The following MPRIP variants were observed in gnomAD, a reference collection of about 807,000 sequenced individuals.
MPRIP encodes myosin phosphatase Rho-interacting protein.
A neutral mutation model predicts 234.9 loss-of-function variants in MPRIP; 59 were observed. That is an observed-to-expected ratio of 0.25 (90% CI 0.20 to 0.31). The LOEUF is 0.31. Ranked by LOEUF, MPRIP falls within the 10% of genes least tolerant of loss-of-function variation. The pLI, the probability that MPRIP is intolerant of heterozygous loss-of-function variation, is 1.00. For missense variants in MPRIP, 2,436 were observed against 3,071.0 expected (o/e 0.79, Z 4.89); for synonymous variants, 1,144 against 1,263.9 (o/e 0.91, Z 2.01).
At chr17:17,087,326 G>T (rs1014075293) in intron 3 of MPRIP, among the ~76,000 whole-genome samples, 2 of 152,200 alleles carry the variant, frequency 1.3e-5, no homozygotes, top group Non-Finnish European at 2.9e-5. Flanking sequence ...TGCCCTTCAG[G>T]GAAGGAAAGA....
At chr17:17,095,313 A>G (rs1407458079) in intron 3 of MPRIP, among the ~76,000 whole-genome samples, 1 of 152,092 alleles carries the variant, frequency 6.6e-6, no homozygotes, top group East Asian at 1.9e-4. Flanking sequence ...CTGTGTGTGT[A>G]TATGGGGTGC....
chr17:17,082,546 C>T (rs530621177), intron 3 of MPRIP, among the ~76,000 whole-genome samples: 8 of 152,218 alleles, frequency 5.3e-5, no homozygotes, highest in African/African-American at 1.4e-4. Flanking sequence ...CCGCCCGCCT[C>T]GGCCTCCCAA....
chr17:17,100,685 C>G (rs1201300838), intron 3 of MPRIP, among the ~76,000 whole-genome samples: 1 of 151,984 alleles, frequency 6.6e-6, no homozygotes, highest in East Asian at 1.9e-4. Context: ...TGATCTGTTA[C>G]TGTCTCCCAT....
chr17:17,043,111 A>G (rs1180573747), intron 1 of MPRIP, 140 bp downstream of exon 1: 1 of 807,228 alleles, frequency 1.2e-6, no homozygotes, highest in Non-Finnish European at 2.0e-6. Flanking sequence ...GGGGACGGGA[A>G]GTGCATTGAC....
chr17:17,044,372 C>A (rs184363477), intron 1 of MPRIP, among the ~76,000 whole-genome samples: 9 of 152,294 alleles, frequency 5.9e-5, no homozygotes, highest in Admixed American at 4.6e-4. Context: ...GGAGACTTTG[C>A]TTCAGGTCTT....
chr17:17,095,203 T>C (rs2089811458), intron 3 of MPRIP, among the ~76,000 whole-genome samples: 1 of 152,196 alleles, frequency 6.6e-6, no homozygotes, highest in African/African-American at 2.4e-5. Flanking sequence ...TATTTTGAAG[T>C]TGTATTCTGT....
chr17:17,081,480 G>T (rs543782099), intron 3 of MPRIP, among the ~76,000 whole-genome samples: 1 of 152,042 alleles, frequency 6.6e-6, no homozygotes, highest in Non-Finnish European at 1.5e-5. Context: ...TAGCAATGTA[G>T]TGACCTTTAG....
chr17:17,136,587 G>A, intron 6 of MPRIP, 137 bp downstream of exon 6: 2 of 836,514 alleles, frequency 2.4e-6, no homozygotes, highest in South Asian at 1.8e-5. Context: ...ATCAGCCCTG[G>A]GGGTAGCACC....
intron 12 of MPRIP, among the ~76,000 whole-genome samples, chr17:17,153,279 A>G (rs1045260484): frequency 6.6e-6 from 1 of 151,864 alleles, no homozygotes; most frequent in African/African-American, 2.4e-5. Context: ...GGCCACTAGC[A>G]CCCATCCGAA....
intron 1 of MPRIP, among the ~76,000 whole-genome samples, chr17:17,045,771 G>A (rs890596248): frequency 4.6e-5 from 7 of 150,766 alleles, no homozygotes; most frequent in Non-Finnish European, 7.4e-5. Context: ...CAGTTTTCCT[G>A]TGCATTTCTC....
chr17:17,043,645 G>C (rs1036798218), intron 1 of MPRIP, among the ~76,000 whole-genome samples: 3 of 152,192 alleles, frequency 2.0e-5, no homozygotes, highest in African/African-American at 7.2e-5. Context: ...ACGTGCATTA[G>C]AGTCATAGCC....
At chr17:17,134,455 G>A (rs2090655618) in intron 5 of MPRIP, among the ~76,000 whole-genome samples, 1 of 152,162 alleles carries the variant, frequency 6.6e-6, no homozygotes, top group Admixed American at 6.5e-5. Flanking sequence ...TGGAGCCCTT[G>A]GGAAACTTGT....
rs771569976 is a variant in MPRIP, at chr17:17,147,354, C to T, written c.1596C>T (p.Ser532=). Residue 532 remains serine, a synonymous_variant, in exon 11 of 24, where the codon AGC becomes AGT. Coordinates refer to ENST00000651222, the MANE Select transcript of MPRIP (RefSeq NM_001364716.4). ...ACTGGTTTGTCCTCGCCGATCAAAG[C>T]CTGAGATACTACAGGGATTCAGTGG... The part of the protein sequence containing the change: ...KKHWFVLADQ[S]LRYYRDSVAE... 9 of 1,614,044 alleles carry T rather than the reference C, an allele frequency of 5.6e-6. No homozygotes were observed. The highest frequency in any genetic ancestry group is 1.1e-5 in the South Asian group (1 of 91,082).
At chr17:17,149,913 A>C (rs957895774) in intron 11 of MPRIP, 10 of 398,226 alleles carry the variant, frequency 2.5e-5, no homozygotes, top group Admixed American at 4.3e-5. Flanking sequence ...AGCATGTTTG[A>C]GGACCACTGG....
At chr17:17,083,984 G>T (rs1488432147) in intron 3 of MPRIP, among the ~76,000 whole-genome samples, 3 of 152,090 alleles carry the variant, frequency 2.0e-5, no homozygotes, top group Non-Finnish European at 2.9e-5. Flanking sequence ...CTCGTGATCC[G>T]CCCGCCTCGG....
chr17:17,081,597 G>A (rs1249047756), intron 3 of MPRIP, among the ~76,000 whole-genome samples: 1 of 152,204 alleles, frequency 6.6e-6, no homozygotes, highest in Non-Finnish European at 1.5e-5. Flanking sequence ...AGAGGAAGGT[G>A]GACATCAGGA....
intron 3 of MPRIP, among the ~76,000 whole-genome samples, chr17:17,103,724 A>G (rs2090008999): frequency 6.6e-6 from 1 of 152,188 alleles, no homozygotes; most frequent in Admixed American, 6.5e-5. Flanking sequence ...TGAAAAGAGT[A>G]TTGAAAAAGA....
chr17:17,128,562 G>A (rs1007016785), intron 4 of MPRIP, among the ~76,000 whole-genome samples: 3 of 152,152 alleles, frequency 2.0e-5, no homozygotes, highest in East Asian at 1.9e-4. Flanking sequence ...CCAAGGTACC[G>A]GGTGCACATG....
chr17:17,168,198 A>T (rs2018561355), intron 16 of MPRIP: 1 of 308,732 alleles, frequency 3.2e-6, no homozygotes, highest in Non-Finnish European at 6.3e-6. Flanking sequence ...TGCCTGCCTA[A>T]TGCGGCCTCT....
Sources: gnomAD v4.1 joint callset for allele counts (sites outside exome capture counted in the v4.1 genomes callset) on GRCh38, gnomAD v4.1.1 for gene constraint, MANE v1.5 for transcripts, NCBI Gene and HGNC (gene_info 2026-07-23, HGNC 2026-07-21) for gene names.